The following HCN1 variants were observed in gnomAD, a reference collection of about 807,000 sequenced individuals.
The protein encoded by HCN1 is potassium/sodium hyperpolarization-activated cyclic nucleotide-gated channel 1.
In HCN1, 13 loss-of-function variants were observed where a neutral mutation model predicts 78.9. That is an observed-to-expected ratio of 0.16 (90% CI 0.11 to 0.26). The LOEUF (loss-of-function observed/expected upper bound fraction) is 0.26, where lower values mean the gene tolerates loss of function less well. Among genes scored for constraint, HCN1 ranks in the 10% least tolerant of loss-of-function variants. The pLI, the probability that HCN1 is intolerant of heterozygous loss-of-function variation, is 1.00. For missense variants in HCN1, 810 were observed against 1,154.3 expected, an observed-to-expected ratio of 0.70 and a Z score of 4.32; for synonymous variants, 552 against 455.5, an observed-to-expected ratio of 1.21 and a Z score of -2.70.
chr5:45,498,339 T>A (rs902051188), intron 2 of HCN1, among the ~76,000 whole-genome samples: 1 of 152,220 alleles, frequency 6.6e-6, no homozygotes, highest in Non-Finnish European at 1.5e-5. Flanking sequence ...ATTCATTTCA[T>A]GTTCCATCGC....
chr5:45,447,431 C>T (rs990838847), intron 3 of HCN1, among the ~76,000 whole-genome samples: 12 of 152,126 alleles, frequency 7.9e-5, no homozygotes, highest in Non-Finnish European at 1.5e-5. Flanking sequence ...TTTATAGAGA[C>T]AAGGTCTTAC....
intron 2 of HCN1, among the ~76,000 whole-genome samples, chr5:45,528,159 GC>G (rs905887897): frequency 2.6e-5 from 4 of 151,742 alleles, no homozygotes; most frequent in Admixed American, 1.3e-4. Context: ...AACTTTTTAA[GC>G]AATCTGATAT....
At chr5:45,424,450 G>A (rs919381687) in intron 3 of HCN1, among the ~76,000 whole-genome samples, 1 of 152,010 alleles carries the variant, frequency 6.6e-6, no homozygotes, top group Non-Finnish European at 1.5e-5. Context: ...AAAATAAGAA[G>A]ATTAAATTTA....
At chr5:45,455,503 T>G (rs1313404526) in intron 3 of HCN1, among the ~76,000 whole-genome samples, 1 of 151,934 alleles carries the variant, frequency 6.6e-6, no homozygotes, top group African/African-American at 2.4e-5. Flanking sequence ...CCTAGAATAA[T>G]GTCTGGAACA....
chr5:45,490,629 T>A (rs998004686), intron 2 of HCN1, among the ~76,000 whole-genome samples: 1 of 152,150 alleles, frequency 6.6e-6, no homozygotes, highest in Non-Finnish European at 1.5e-5. Context: ...ATTAAAGTGT[T>A]TGACCAACTT....
At chr5:45,589,895 T>C (rs556891663) in intron 2 of HCN1, among the ~76,000 whole-genome samples, 5 of 152,310 alleles carry the variant, frequency 3.3e-5, no homozygotes, top group East Asian at 3.9e-4. Flanking sequence ...TTCAGGCTCA[T>C]GGGAACATTG....
intron 1 of HCN1, among the ~76,000 whole-genome samples, chr5:45,651,682 C>T (rs1466023355): frequency 6.6e-6 from 1 of 151,818 alleles, no homozygotes; most frequent in African/African-American, 2.4e-5. Context: ...GTCCTCTTCC[C>T]AATCCTCTTA....
At chr5:45,577,788 A>C (rs1743978666) in intron 2 of HCN1, among the ~76,000 whole-genome samples, 1 of 152,098 alleles carries the variant, frequency 6.6e-6, no homozygotes, top group Admixed American at 6.6e-5. Flanking sequence ...TTATTTCCTT[A>C]AATGTACTTA....
At chr5:45,513,266 A>C (rs1425966246) in intron 2 of HCN1, among the ~76,000 whole-genome samples, 1 of 152,184 alleles carries the variant, frequency 6.6e-6, no homozygotes, top group Non-Finnish European at 1.5e-5. Context: ...TGATAAAACA[A>C]AAGGTAAAAT....
rs1005170161 is a variant in HCN1, at chr5:45,261,627, T to C, written c.*294A>G. The C allele has an allele frequency of 1.8e-5, 4 of 221,932 alleles. No homozygotes were observed. Among genetic ancestry groups the C allele is most frequent in the African/African-American group, 6.9e-5 (3 of 43,418 alleles). 13.7% of individuals were successfully genotyped at this position (221,932 alleles called of 1,614,324 possible). On this transcript the variant is annotated 3_prime_UTR_variant, in exon 8 of 8. Transcript: ENST00000303230. ...ACATATCAAAGGACTTAAGTAAAAG[T>C]AGGTTAGAAATAAATAATCTTACAA...
intron 3 of HCN1, among the ~76,000 whole-genome samples, chr5:45,410,095 A>T (rs1258353541): frequency 6.6e-6 from 1 of 152,030 alleles, no homozygotes; most frequent in Non-Finnish European, 1.5e-5. Flanking sequence ...AACTAACAAT[A>T]GCAGAAACAT....
At chr5:45,548,065 C>T (rs1743266166) in intron 2 of HCN1, among the ~76,000 whole-genome samples, 1 of 151,762 alleles carries the variant, frequency 6.6e-6, no homozygotes, top group African/African-American at 2.4e-5. Flanking sequence ...ATATTACATG[C>T]TCAAGTAGTA....
chr5:45,567,472 C>T (rs1188140123), intron 2 of HCN1, among the ~76,000 whole-genome samples: 1 of 149,816 alleles, frequency 6.7e-6, no homozygotes, highest in Non-Finnish European at 1.5e-5. Context: ...GCTTACAGAG[C>T]TAAATGTTGA....
intron 1 of HCN1, among the ~76,000 whole-genome samples, chr5:45,688,601 T>C (rs1374211130): frequency 6.6e-6 from 1 of 152,102 alleles, no homozygotes; most frequent in East Asian, 1.9e-4. Flanking sequence ...CAATAAATAT[T>C]TATTACAGGT....
chr5:45,276,662 TGAAA>T (rs1364240079), intron 6 of HCN1, among the ~76,000 whole-genome samples: 1 of 152,112 alleles, frequency 6.6e-6, no homozygotes, highest in African/African-American at 2.4e-5. Context: ...TTATCCTGAC[TGAAA>T]GAGTCGAGAA....
chr5:45,668,651 T>C (rs191900450), intron 1 of HCN1, among the ~76,000 whole-genome samples: 43 of 152,096 alleles, frequency 2.8e-4, no homozygotes, highest in African/African-American at 9.9e-4. Context: ...TCCTATGTGA[T>C]ACATTCATAA....
intron 2 of HCN1, among the ~76,000 whole-genome samples, chr5:45,464,322 T>C (rs1741224412): frequency 6.6e-6 from 1 of 152,094 alleles, no homozygotes; most frequent in Non-Finnish European, 1.5e-5. Context: ...TGAACTATTA[T>C]AAGATTATGC....
chr5:45,528,050 G>T (rs1463721198), intron 2 of HCN1, among the ~76,000 whole-genome samples: 1 of 151,796 alleles, frequency 6.6e-6, no homozygotes, highest in Non-Finnish European at 1.5e-5. Flanking sequence ...CCAATAGAAG[G>T]AGGGTTACTC....
chr5:45,585,444 G>C (rs1258556296), intron 2 of HCN1, among the ~76,000 whole-genome samples: 1 of 151,992 alleles, frequency 6.6e-6, no homozygotes, highest in Non-Finnish European at 1.5e-5. Context: ...TTTTTTTCAA[G>C]GTTTTTAACT....
Sources: allele counts gnomAD v4.1 joint callset (sites outside exome capture counted in the v4.1 genomes callset), GRCh38; gene constraint gnomAD v4.1.1; transcripts MANE v1.5; gene names NCBI Gene and HGNC (gene_info 2026-07-23, HGNC 2026-07-21).